KIF13A: variants seen among roughly 807,000 people sequenced by gnomAD.
The protein encoded by KIF13A is kinesin family member 13A, also known as kinesin-like protein KIF13A.
A neutral mutation model predicts 212.2 loss-of-function variants in KIF13A; 79 were observed. That is an observed-to-expected ratio of 0.37 (90% CI 0.31 to 0.45). The LOEUF is 0.45. Among genes scored for constraint, KIF13A ranks in the 20% least tolerant of loss-of-function variants. The probability of loss-of-function intolerance (pLI) is 1.00; values close to 1 mark genes in which losing one functional copy is unlikely to be tolerated. For synonymous variants in KIF13A, 789 were observed against 808.6 expected (o/e 0.98, Z 0.41); for missense variants, 1,901 against 2,209.0 (o/e 0.86, Z 2.79).
intron 2 of KIF13A, among the ~76,000 whole-genome samples, chr6:17,953,204 TGTTAA>T (rs1332692280): frequency 2.6e-5 from 4 of 152,160 alleles, no homozygotes; most frequent in Non-Finnish European, 2.9e-5. Context: ...GGCATTATTC[TGTTAA>T]GTTAAAAAAG....
In KIF13A at chr6:17,819,042, C is replaced by T. The variant is rs575006485; in HGVS notation, c.1787-1809G>A. On this transcript the variant is annotated intron_variant, in intron 16 of 38. Coordinates refer to ENST00000259711, the MANE Select transcript of KIF13A (RefSeq NM_022113.6). ...TGAGACGGAGTTTCGCTCTGTTGCC[C>T]GGGCTGGAGTGCAGTGGCGCGATCT... is the stretch of plus-strand genomic sequence containing the variant. Among the ~76,000 whole-genome samples the T allele has an allele frequency of 1.9e-3, 285 of 146,902 alleles. 1 individual carries two copies. The highest frequency in any genetic ancestry group is 0.014 in the Middle Eastern group (4 of 284).
chr6:17,767,685 G>GA (rs1424933803), intron 38 of KIF13A, among the ~76,000 whole-genome samples: 3 of 152,294 alleles, frequency 2.0e-5, no homozygotes, highest in Non-Finnish European at 2.9e-5. Flanking sequence ...ATTAAGTACT[G>GA]AAAAGTTATT....
chr6:17,795,596 C>CAAA (rs34962687), intron 23 of KIF13A, among the ~76,000 whole-genome samples: 3 of 132,276 alleles, frequency 2.3e-5, no homozygotes, highest in Non-Finnish European at 1.6e-5. Flanking sequence ...GACTCCATCT[C>CAAA]AAAAAAAAAA....
intron 4 of KIF13A, among the ~76,000 whole-genome samples, chr6:17,860,283 G>A (rs1293608320): frequency 6.6e-6 from 1 of 151,768 alleles, no homozygotes; most frequent in Non-Finnish European, 1.5e-5. Flanking sequence ...CTGCCATCTG[G>A]GTTCAAGCGA....
At position 17,984,219 on chromosome 6, in the gene KIF13A, A is replaced by T. The variant is rs1781352785; in HGVS notation, c.146+2835T>A. ...TAATTTACCACGTTGTATTTTAACT[A>T]CTTTTTCCTCTCTCTCCTCCTTCTC... On this transcript the variant is annotated intron_variant, in intron 2 of 38. Transcript: ENST00000259711. The surrounding 1 kb of genome is among the most constrained non-coding windows in gnomAD (Gnocchi z 5.0). Among the ~76,000 whole-genome samples, 1 of 152,180 alleles carries T rather than the reference A, an allele frequency of 6.6e-6. No homozygotes were observed. The highest frequency in any genetic ancestry group is 6.5e-5 in the Admixed American group (1 of 15,278).
In KIF13A at chr6:17,783,526, A is replaced by T. The variant is rs1181125616; in HGVS notation, c.3544+120T>A. 1.4e-6 allele frequency: 1 copy of T among 723,128 alleles called. No homozygotes were observed. The highest frequency in any genetic ancestry group is 2.4e-6 in the Non-Finnish European group (1 of 417,610). The allele number at this position is 723,128 out of a possible 1,614,324, so 44.8% of individuals were successfully genotyped here. On this transcript the variant is annotated intron_variant, in intron 29 of 38. Coordinates refer to ENST00000259711, the MANE Select transcript of KIF13A (RefSeq NM_022113.6). The surrounding 1 kb of genome is among the most constrained non-coding windows in gnomAD (Gnocchi z 4.3). ...TACGTTTAATGAGAACAAAAATGTCACCCAATTTGGCACATGAATGATTAG... is the reference window on the plus strand; with the variant it reads ...TACGTTTAATGAGAACAAAAATGTCTCCCAATTTGGCACATGAATGATTAG...
rs1763959164 is a variant in KIF13A at position 17,816,397 on chromosome 6, CTCG to C, written c.2000+620_2000+622del. The stretch of plus-strand genomic sequence containing the variant: ...TTTTTATTTTTTGTAGAGACAAGGT[CTCG>C]TTATGTTGCTCAGGCTGGTCTTAAA... On this transcript the variant is annotated intron_variant, in intron 17 of 38. Coordinates refer to ENST00000259711, the MANE Select transcript of KIF13A (RefSeq NM_022113.6). This position sits in a 1 kb window ranked among gnomAD's most constrained non-coding sequence, Gnocchi z 4.3. Among the ~76,000 whole-genome samples, 1 of 152,210 alleles carries C rather than the reference CTCG, an allele frequency of 6.6e-6. No homozygotes were observed. Among genetic ancestry groups the C allele is most frequent in the East Asian group, 1.9e-4 (1 of 5,168 alleles).
chr6:17,886,654 G>A lies in KIF13A; in HGVS notation c.159+11514C>T, dbSNP rs994152059. 2.6e-5 allele frequency among the ~76,000 whole-genome samples: 4 copies of A among 152,066 alleles called. No homozygotes were observed. Among genetic ancestry groups the A allele is most frequent in the Admixed American group, 6.6e-5 (1 of 15,264 alleles). On this transcript the variant is annotated intron_variant, in intron 3 of 38. Transcript: ENST00000259711. The surrounding 1 kb of genome is among the most constrained non-coding windows in gnomAD (Gnocchi z 5.6). ...AGAACATTTGGTTCTGAACAAAGTC[G>A]GGCAGAAGGAAAGGGGAGAGTAGAA...
At chr6:17,833,557 C>T (rs1278720938) in intron 12 of KIF13A, among the ~76,000 whole-genome samples, 1 of 147,240 alleles carries the variant, frequency 6.8e-6, no homozygotes, top group Non-Finnish European at 1.5e-5. Context: ...GAAAAGGGCC[C>T]TTAAAAGACT....
At chr6:17,958,528 T>G (rs1260296289) in intron 2 of KIF13A, among the ~76,000 whole-genome samples, 2 of 152,212 alleles carry the variant, frequency 1.3e-5, no homozygotes, top group African/African-American at 4.8e-5. Context: ...AAGCTATATA[T>G]AGTAAAAAGT....
intron 3 of KIF13A, among the ~76,000 whole-genome samples, chr6:17,880,627 C>CAAA (rs34817140): frequency 0.04 from 2,753 of 69,272 alleles, 120 homozygotes; most frequent in African/African-American, 0.12. Flanking sequence ...GACTCTGTCT[C>CAAA]AAAAAAAAAA....
intron 16 of KIF13A, among the ~76,000 whole-genome samples, chr6:17,818,630 G>A (rs1764160934): frequency 6.6e-6 from 1 of 152,132 alleles, no homozygotes; most frequent in Non-Finnish European, 1.5e-5. Flanking sequence ...TATCTGCTTT[G>A]CATGCATCAC....
chr6:17,822,572 T>A (rs1449987837), intron 16 of KIF13A, among the ~76,000 whole-genome samples: 2 of 152,206 alleles, frequency 1.3e-5, no homozygotes, highest in African/African-American at 4.8e-5. Flanking sequence ...GAACCTGTGA[T>A]CTCGGAGGGC....
At position 17,974,929 on chromosome 6, in the gene KIF13A, T is replaced by C. The variant is rs146828238; in HGVS notation, c.146+12125A>G. Among the ~76,000 whole-genome samples the C allele has an allele frequency of 6.5e-4, 99 of 152,344 alleles. 1 individual carries two copies. The East Asian group carries it at 0.018, about 27-fold the overall frequency. ...GGCTACTGGCTACCACATTGGACAG[T>C]GAAGATATAGCATATTTCCATCATC... On this transcript the variant is annotated intron_variant, in intron 2 of 38. Transcript: ENST00000259711.
chr6:17,893,460 C>T (rs1010732294), intron 3 of KIF13A, among the ~76,000 whole-genome samples: 1 of 151,964 alleles, frequency 6.6e-6, no homozygotes, highest in Non-Finnish European at 1.5e-5. Context: ...CTTTTTTCTG[C>T]CACCTTGCAG....
chr6:17,925,127 A>C (rs951249997), intron 2 of KIF13A, among the ~76,000 whole-genome samples: 2 of 152,252 alleles, frequency 1.3e-5, no homozygotes, highest in Non-Finnish European at 2.9e-5. Flanking sequence ...ATCTGGGAGA[A>C]TAATATCCAA....
Position 17,799,514 on chromosome 6 carries a change from A to T in KIF13A, c.2617-75T>A. 1.6e-6 allele frequency: 2 copies of T among 1,239,432 alleles called. No homozygotes were observed. Among genetic ancestry groups the T allele is most frequent in the South Asian group, 3.3e-5 (2 of 60,056 alleles). The allele number at this position is 1,239,432 out of a possible 1,614,324, so 76.8% of individuals were successfully genotyped here. Reference sequence around the variant, plus strand: ...TTTCATTTCAGCTACCTCAAATTTAAGAGTAAGCGATGAAACAAATTGGTC... The same window carrying T: ...TTTCATTTCAGCTACCTCAAATTTATGAGTAAGCGATGAAACAAATTGGTC... On this transcript the variant is annotated intron_variant, in intron 21 of 38. Transcript: ENST00000259711. The surrounding 1 kb of genome is among the most constrained non-coding windows in gnomAD (Gnocchi z 4.4).
At chr6:17,782,783 C>A (rs957213969) in intron 29 of KIF13A, among the ~76,000 whole-genome samples, 1 of 152,166 alleles carries the variant, frequency 6.6e-6, no homozygotes, top group Admixed American at 6.5e-5. Context: ...AATTTAGAAT[C>A]AAAGTTCTGA....
intron 2 of KIF13A, among the ~76,000 whole-genome samples, chr6:17,959,685 T>A (rs565378534): frequency 6.6e-5 from 10 of 152,302 alleles, no homozygotes; most frequent in African/African-American, 2.2e-4. Context: ...AAAATAAACA[T>A]GAAAGTCAGG....
Sources: allele counts gnomAD v4.1 joint callset (sites outside exome capture counted in the v4.1 genomes callset), GRCh38; gene constraint gnomAD v4.1.1; non-coding constraint Gnocchi (gnomAD v3.1); transcripts MANE v1.5; gene names NCBI Gene and HGNC (gene_info 2026-07-23, HGNC 2026-07-21).